The following WDR72 variants were observed in gnomAD, a reference collection of about 807,000 sequenced individuals.
WDR72 encodes the protein WD repeat-containing protein 72.
A neutral mutation model predicts 124.2 loss-of-function variants in WDR72; 120 were observed. That is an observed-to-expected ratio of 0.97 (90% CI 0.83 to 1.12). The LOEUF is 1.12. Among genes scored for constraint, WDR72 ranks in the 50% most tolerant of loss-of-function variants. WDR72 has a pLI of 0.00. For synonymous variants in WDR72, 452 were observed against 441.7 expected (o/e 1.02, Z -0.29); for missense variants, 1,387 against 1,278.8 (o/e 1.08, Z -1.29).
chr15:53,736,731 A>T (rs2018366035), intron 1 of WDR72, among the ~76,000 whole-genome samples: 4 of 152,154 alleles, frequency 2.6e-5, no homozygotes. Context: ...TTCACATATT[A>T]GGCAGTGGAC....
chr15:53,718,479 T>C (rs947887220), intron 3 of WDR72, among the ~76,000 whole-genome samples: 12 of 152,152 alleles, frequency 7.9e-5, no homozygotes, highest in Admixed American at 5.2e-4. Flanking sequence ...TTATTTTCTA[T>C]ATTAAATCTG....
At chr15:53,612,995 C>G (rs1379933732) in intron 16 of WDR72, among the ~76,000 whole-genome samples, 1 of 151,762 alleles carries the variant, frequency 6.6e-6, no homozygotes, top group Non-Finnish European at 1.5e-5. Context: ...GTAGAACTGA[C>G]ACAATTACTG....
intron 13 of WDR72, among the ~76,000 whole-genome samples, chr15:53,668,245 G>A (rs1468241647): frequency 6.6e-6 from 1 of 152,150 alleles, no homozygotes. Context: ...AAAAAATAAT[G>A]AATATTTTGT....
chr15:53,663,729 A>T (rs573584711), intron 14 of WDR72, among the ~76,000 whole-genome samples: 3 of 152,194 alleles, frequency 2.0e-5, no homozygotes, highest in African/African-American at 7.2e-5. Context: ...TGTTATGAAT[A>T]GTGAGCAACA....
At chr15:53,574,722 T>A (rs1406388241) in intron 18 of WDR72, among the ~76,000 whole-genome samples, 4 of 152,166 alleles carry the variant, frequency 2.6e-5, no homozygotes, top group Admixed American at 2.0e-4. Context: ...CAGTTTTATG[T>A]AACAAATGAC....
chr15:53,714,768 CT>C (rs1156746862), intron 5 of WDR72, among the ~76,000 whole-genome samples: 8 of 152,128 alleles, frequency 5.3e-5, no homozygotes, highest in Non-Finnish European at 1.2e-4. Flanking sequence ...AAAATGAAAC[CT>C]TCCTATTTCG....
chr15:53,759,282 G>A (rs1012010894), intron 1 of WDR72: 2 of 152,174 alleles, frequency 1.3e-5, no homozygotes, highest in African/African-American at 2.4e-5. Context: ...ATCCTAATAG[G>A]GAAAGGCAGG....
At position 53,613,711 on chromosome 15, in the gene WDR72, T is replaced by A; in HGVS notation, c.2827A>T (p.Asn943Tyr). 6.2e-7 allele frequency: 1 copy of A among 1,611,306 alleles called. No homozygotes were observed. The highest frequency in any genetic ancestry group is 8.5e-7 in the Non-Finnish European group (1 of 1,178,414). Reference sequence around the variant, plus strand: ...AAGCTTGACATATTTAAAATGTCATTCCCAGCACCTCTCATCTTATTATGT... The same window carrying A: ...AAGCTTGACATATTTAAAATGTCATACCCAGCACCTCTCATCTTATTATGT... ...SIHNKMRGAG[N>Y]DILNMSSFYS... The change falls in exon 16 of 20, where the codon AAT (asparagine) becomes TAT (tyrosine). Residue 943 changes from asparagine to tyrosine, a missense_variant. By Grantham distance (143) the Asn-to-Tyr change is moderately radical (BLOSUM62 -2). Coordinates refer to ENST00000360509, the MANE Select transcript of WDR72 (RefSeq NM_182758.4).
chr15:53,663,742 G>A (rs1372073722), intron 14 of WDR72, among the ~76,000 whole-genome samples: 1 of 152,016 alleles, frequency 6.6e-6, no homozygotes, highest in Non-Finnish European at 1.5e-5. Flanking sequence ...GAGCAACAAA[G>A]ACACATCAAG....
intron 13 of WDR72, among the ~76,000 whole-genome samples, chr15:53,682,311 G>C (rs1271433489): frequency 6.6e-6 from 1 of 151,574 alleles, no homozygotes; most frequent in Non-Finnish European, 1.5e-5. Flanking sequence ...TGGTGGGCCT[G>C]TGGGGTGGGA....
chr15:53,721,976 C>A (rs1254526503), intron 3 of WDR72, among the ~76,000 whole-genome samples: 1 of 152,014 alleles, frequency 6.6e-6, no homozygotes, highest in Admixed American at 6.6e-5. Context: ...CTCTCTGCCA[C>A]CATTCTACTG....
intron 18 of WDR72, among the ~76,000 whole-genome samples, chr15:53,566,236 A>G (rs993081634): frequency 1.3e-5 from 2 of 151,968 alleles, no homozygotes; most frequent in African/African-American, 4.8e-5. Flanking sequence ...ACATGCTGGT[A>G]GTAGCACATG....
chr15:53,541,115 G>GTA (rs1893099838), intron 18 of WDR72: 1 of 155,112 alleles, frequency 6.4e-6, no homozygotes, highest in Admixed American at 6.5e-5. Context: ...AAGCAGCCGG[G>GTA]AAGCTAGAAC....
intron 17 of WDR72, among the ~76,000 whole-genome samples, chr15:53,598,236 CCTTTCATATAGCTACATCCCA>C (rs1169163355): frequency 1.3e-5 from 1 of 77,964 alleles, no homozygotes; most frequent in Non-Finnish European, 4.0e-5. Flanking sequence ...CATCCCAGTG[CCTTTCATATAGCTACATCCCA>C]GTGCCTTTCA....
At chr15:53,632,348 G>A (rs1278051648) in intron 14 of WDR72, among the ~76,000 whole-genome samples, 1 of 152,094 alleles carries the variant, frequency 6.6e-6, no homozygotes, top group Non-Finnish European at 1.5e-5. Context: ...TGTGCAGAAT[G>A]CAAGAGTTGA....
At chr15:53,662,777 CA>C (rs1287473513) in intron 14 of WDR72, among the ~76,000 whole-genome samples, 2 of 152,172 alleles carry the variant, frequency 1.3e-5, no homozygotes, top group East Asian at 3.9e-4. Flanking sequence ...TAAGATAAAG[CA>C]ACCTTGGCAG....
At chr15:53,554,475 T>C (rs775005580) in intron 18 of WDR72, among the ~76,000 whole-genome samples, 21 of 152,168 alleles carry the variant, frequency 1.4e-4, no homozygotes, top group Non-Finnish European at 2.9e-4. Context: ...TTGCTGTAAC[T>C]GAATAAATGC....
chr15:53,576,249 C>A (rs902167517), intron 18 of WDR72, among the ~76,000 whole-genome samples: 1 of 152,190 alleles, frequency 6.6e-6, no homozygotes, highest in African/African-American at 2.4e-5. Flanking sequence ...GCAGTTTAAC[C>A]AGTGTATGCC....
intron 18 of WDR72, among the ~76,000 whole-genome samples, chr15:53,541,625 G>A (rs541307641): frequency 1.2e-4 from 16 of 132,074 alleles, no homozygotes; most frequent in African/African-American, 3.4e-4. Context: ...CACCAGCAAC[G>A]GAACAAAGCT....
Sources: allele counts gnomAD v4.1 joint callset (sites outside exome capture counted in the v4.1 genomes callset), GRCh38; gene constraint gnomAD v4.1.1; transcripts MANE v1.5; gene names NCBI Gene and HGNC (gene_info 2026-07-23, HGNC 2026-07-21).